The following CXorf66 variants were observed in gnomAD, a reference collection of about 807,000 sequenced individuals.
The protein encoded by CXorf66 is chromosome X open reading frame 66.
In CXorf66, 6 loss-of-function variants were observed where a neutral mutation model predicts 5.0. That is an observed-to-expected ratio of 1.20 (90% CI 0.65 to 2.36). CXorf66 has a LOEUF of 2.36. Ranked by LOEUF, CXorf66 falls within the 30% of genes most tolerant of loss-of-function variation. The pLI is 0.00. For missense variants in CXorf66, 270 were observed against 254.9 expected (o/e 1.06, Z -0.40); for synonymous variants, 98 against 102.8 (o/e 0.95, Z 0.28).
At chrX:139,960,595 C>T (rs2085590097) in intron 1 of CXorf66, among the ~76,000 whole-genome samples, 1 of 110,662 alleles carries the variant, frequency 9.0e-6, no homozygotes, top group South Asian at 3.8e-4. Context: ...TAAGATACTC[C>T]TGGAGAAGAG....
intron 1 of CXorf66, among the ~76,000 whole-genome samples, chrX:139,958,483 C>CTG (rs893526936): frequency 2.7e-5 from 3 of 110,970 alleles, no homozygotes; most frequent in African/African-American, 9.8e-5. Context: ...GTTTTTGAAT[C>CTG]TGTGTGTGTG....
In CXorf66 at chrX:139,956,021, C is replaced by T. The variant is rs937663859; in HGVS notation, c.961G>A (p.Gly321Ser). Residue 321 changes from glycine to serine, a missense_variant, in exon 3 of 3, where the codon GGT (glycine) becomes AGT (serine). Transcript: ENST00000370540. ...RKLDSRNNAYGDHVNDSDTMK... is the reference protein window; with the variant it reads ...RKLDSRNNAYSDHVNDSDTMK... ...GTATCACTGTCATTCACATGATCAC[C>T]GTATGCATTGTTCCTGGAATCTAAC... is the stretch of plus-strand genomic sequence containing the variant. 1.4e-5 allele frequency: 17 copies of T among 1,209,172 alleles called. No homozygotes were observed. Among genetic ancestry groups the T allele is most frequent in the Non-Finnish European group, 1.8e-5 (16 of 894,660 alleles).
rs377342155 is a variant in CXorf66, at chrX:139,963,482, A to T, written c.88+1927T>A. Among the ~76,000 whole-genome samples the T allele has an allele frequency of 1.7e-4, 19 of 112,162 alleles. No individual in the cohort carries two copies. In the East Asian group the frequency reaches 5.1e-3, roughly 30 times the overall value. On this transcript the variant is annotated intron_variant, in intron 1 of 2. Transcript: ENST00000370540. ...GAATCAATATCGTGAAAATGGCCAT[A>T]CTGCCTGAAGTAATTTATAGATTCA... is the stretch of plus-strand genomic sequence containing the variant.
chrX:139,964,911 GT>G (rs1472111539), intron 1 of CXorf66, among the ~76,000 whole-genome samples: 2 of 109,575 alleles, frequency 1.8e-5, no homozygotes, highest in Non-Finnish European at 3.8e-5. Context: ...GGGGCCTGTT[GT>G]GGGGGTTGGG....
chrX:139,956,739 C>T lies in CXorf66; in HGVS notation c.243G>A (p.Met81Ile). ...CLSDDASKAG[M>I]VKKKGIAAKS... ...TGGCTGCTATGCCTTTTTTCTTGAC[C>T]CTGAAAGTATAGAAAATTTGGAGTA... The change falls in exon 3 of 3, where the codon ATG (methionine) becomes ATA (isoleucine). Residue 81 changes from methionine (M) to isoleucine (I), a missense_variant and splice_region_variant. Met to Ile is a conservative substitution (Grantham distance 10). Transcript: ENST00000370540. 8.4e-7 allele frequency: 1 copy of T among 1,196,229 alleles called. No individual in the cohort carries two copies. Among genetic ancestry groups the T allele is most frequent in the Non-Finnish European group, 1.1e-6 (1 of 889,083 alleles).
chrX:139,956,778 C>T, intron 2 of CXorf66, 39 bp from the exon 3 acceptor site: 2 of 1,135,857 alleles, frequency 1.8e-6, no homozygotes, highest in Non-Finnish European at 2.4e-6. Context: ...TGATTTAAAA[C>T]AAAAGAGACC....
intron 1 of CXorf66, among the ~76,000 whole-genome samples, chrX:139,960,018 C>A (rs1197072439): frequency 9.0e-6 from 1 of 110,928 alleles, no homozygotes; most frequent in Admixed American, 9.7e-5. Flanking sequence ...TGTCTTTTCT[C>A]CTCCAAATGA....
At chrX:139,958,030 C>T in intron 2 of CXorf66, 34 bp downstream of exon 2, 5 of 1,160,171 alleles carry the variant, frequency 4.3e-6, no homozygotes, top group East Asian at 3.1e-5. Context: ...CACACACACA[C>T]CTCGCACTCT....
At chrX:139,963,126 C>G (rs1167332260) in intron 1 of CXorf66, among the ~76,000 whole-genome samples, 1 of 111,748 alleles carries the variant, frequency 8.9e-6, no homozygotes, top group Non-Finnish European at 1.9e-5. Context: ...CAAATTGTCT[C>G]TGTTTGCAGA....
At position 139,956,550 on chromosome X, in the gene CXorf66, T is replaced by C; in HGVS notation, c.432A>G (p.Gln144=). The C allele has an allele frequency of 8.3e-7, 1 of 1,211,413 alleles. No homozygotes were observed. Among genetic ancestry groups the C allele is most frequent in the Non-Finnish European group, 1.1e-6 (1 of 895,343 alleles). The stretch of plus-strand genomic sequence containing the variant: ...CTGCACTGTTTGGTATGGATGGCTT[T>C]TGTAGACTTGAGGGTCTGATTAATT... ...TEKLIRPSSL[Q]KPSIPNSAGK... is the part of the protein sequence containing the mutation. The change falls in exon 3 of 3, where the codon CAA becomes CAG. Residue 144 remains glutamine (Q), a synonymous_variant. Transcript: ENST00000370540.
rs941999811 is a variant in CXorf66, at chrX:139,958,199, G to A, written c.107C>T (p.Ser36Leu). The stretch of plus-strand genomic sequence containing the variant: ...AAGGTAGTTCAATTTTGTCTGCATT[G>A]ATTCAACAGGTTTATCTCCTGCAAA... ...SSTTGDKPVE[S>L]MQTKLNYLRR... The change falls in exon 2 of 3, where the codon TCA becomes TTA. Residue 36 changes from serine (S) to leucine (L), a missense_variant. By Grantham distance (145) the Ser-to-Leu change is moderately radical. Transcript: ENST00000370540. 3 of 1,186,464 alleles carry A rather than the reference G, an allele frequency of 2.5e-6. No individual in the cohort carries two copies. In the South Asian group the frequency reaches 5.8e-5, roughly 23 times the overall value.
At chrX:139,959,829 G>A (rs1370546490) in intron 1 of CXorf66, among the ~76,000 whole-genome samples, 2 of 111,610 alleles carry the variant, frequency 1.8e-5, no homozygotes, top group African/African-American at 6.5e-5. Context: ...TGCAGAAGAG[G>A]GGCCTGATTG....
chrX:139,956,220 T>C lies in CXorf66; in HGVS notation c.762A>G (p.Ala254=). The change falls in exon 3 of 3, where the codon GCA becomes GCG. Residue 254 remains alanine (A), a synonymous_variant. Transcript: ENST00000370540. ...NPKRSVSLGR[A]ALLSNSELAE... ...CTAATTCAGAGTTGGATAATAAGGC[T>C]GCCCTGCCTAGACTCACTGACCTTT... is the stretch of plus-strand genomic sequence containing the variant. 1 of 1,211,858 alleles carries C rather than the reference T, an allele frequency of 8.3e-7. No individual in the cohort carries two copies. Among genetic ancestry groups the C allele is most frequent in the Non-Finnish European group, 1.1e-6 (1 of 895,393 alleles).
intron 1 of CXorf66, among the ~76,000 whole-genome samples, chrX:139,959,370 T>A (rs2085585401): frequency 8.9e-6 from 1 of 111,947 alleles, no homozygotes; most frequent in Non-Finnish European, 1.9e-5. Flanking sequence ...TCTAGATTCC[T>A]CCTCACTGGG....
chrX:139,965,085 A>G (rs1318053396), intron 1 of CXorf66, among the ~76,000 whole-genome samples: 2 of 111,575 alleles, frequency 1.8e-5, no homozygotes, highest in African/African-American at 3.3e-5. Flanking sequence ...TAAAAAAAAC[A>G]AAAAACAAAA....
intron 1 of CXorf66, among the ~76,000 whole-genome samples, chrX:139,961,224 G>A (rs1010961734): frequency 1.8e-5 from 2 of 111,610 alleles, no homozygotes; most frequent in African/African-American, 6.5e-5. Context: ...CAAAATAAAG[G>A]AATGGAGGAA....
chrX:139,958,995 T>G (rs1258320312), intron 1 of CXorf66, among the ~76,000 whole-genome samples: 1 of 111,818 alleles, frequency 8.9e-6, no homozygotes, highest in South Asian at 3.7e-4. Flanking sequence ...GGGTGGCTAT[T>G]TGGGCAGACA....
rs758705464 is a variant in CXorf66 at position 139,965,460 on chromosome X, A to G, written c.37T>C (p.Trp13Arg). ...TTTGTAGTCATGCAATTATTTTTCC[A>G]AATGGACAAAAGTAGGACACAAATA... is the stretch of plus-strand genomic sequence containing the variant. ...LVICVLLLSIWKNNCMTTNQT... is the reference protein window; with the variant it reads ...LVICVLLLSIRKNNCMTTNQT... The change falls in exon 1 of 3, where the codon TGG becomes CGG. Residue 13 changes from tryptophan to arginine, a missense_variant. Coordinates refer to ENST00000370540, the MANE Select transcript of CXorf66 (RefSeq NM_001013403.3). 8.3e-7 allele frequency: 1 copy of G among 1,207,914 alleles called. No individual in the cohort carries two copies. The highest frequency in any genetic ancestry group is 1.8e-5 in the South Asian group (1 of 56,838).
chrX:139,961,356 G>A (rs2085592879), intron 1 of CXorf66, among the ~76,000 whole-genome samples: 1 of 111,839 alleles, frequency 8.9e-6, no homozygotes, highest in Admixed American at 9.6e-5. Flanking sequence ...AATGGTAAAG[G>A]TATCAATGCA....
Sources: gnomAD v4.1 joint callset for allele counts (sites outside exome capture counted in the v4.1 genomes callset) on GRCh38, gnomAD v4.1.1 for gene constraint, MANE v1.5 for transcripts, NCBI Gene and HGNC (gene_info 2026-07-23, HGNC 2026-07-21) for gene names.